PRPSAP1: variants seen among roughly 807,000 people sequenced by gnomAD.
The protein encoded by PRPSAP1 is phosphoribosyl pyrophosphate synthase-associated protein 1.
PRPSAP1 carries 31 observed loss-of-function variants against 39.4 expected under a neutral mutation model. The observed-to-expected ratio is 0.79, with a 90% CI of 0.59 to 1.06. PRPSAP1 has a LOEUF of 1.06. Ranked by LOEUF, PRPSAP1 falls within the 50% of genes least tolerant of loss-of-function variation. The pLI is 0.00. For synonymous variants in PRPSAP1, 212 were observed against 192.6 expected (o/e 1.10, Z -0.83); for missense variants, 430 against 511.6 (o/e 0.84, Z 1.54).
intron 7 of PRPSAP1, among the ~76,000 whole-genome samples, chr17:76,326,342 C>T (rs1333185505): frequency 2.6e-5 from 4 of 151,632 alleles, no homozygotes; most frequent in Non-Finnish European, 5.9e-5. Context: ...TGATGAGAAG[C>T]AGAATATTTA....
At chr17:76,333,560 T>G (rs1026083955) in intron 3 of PRPSAP1, among the ~76,000 whole-genome samples, 1 of 151,554 alleles carries the variant, frequency 6.6e-6, no homozygotes, top group Non-Finnish European at 1.5e-5. Context: ...CAGGAGAATC[T>G]CTTGAACCTG....
chr17:76,340,027 A>G (rs1392013990), intron 3 of PRPSAP1, among the ~76,000 whole-genome samples: 1 of 149,992 alleles, frequency 6.7e-6, no homozygotes, highest in African/African-American at 2.5e-5. Flanking sequence ...GCTACTTGGG[A>G]GGGTAAGACG....
intron 1 of PRPSAP1, among the ~76,000 whole-genome samples, chr17:76,351,686 T>TAAATAA (rs929179095): frequency 4.2e-4 from 64 of 152,036 alleles, no homozygotes; most frequent in African/African-American, 1.5e-3. Flanking sequence ...TGTCTCAAAA[T>TAAATAA]AAATAAAACA....
At chr17:76,329,921 G>A (rs2071302818) in intron 6 of PRPSAP1, 122 bp downstream of exon 6, 2 of 826,262 alleles carry the variant, frequency 2.4e-6, no homozygotes. Flanking sequence ...ACGATGGAGG[G>A]GTTAACATGA....
intron 1 of PRPSAP1, among the ~76,000 whole-genome samples, chr17:76,349,776 A>C (rs1001682892): frequency 6.6e-6 from 1 of 151,808 alleles, no homozygotes; most frequent in Non-Finnish European, 1.5e-5. Context: ...AATAATAATA[A>C]AAAAAATAAA....
chr17:76,332,343 A>G lies in PRPSAP1; in HGVS notation c.383T>C (p.Phe128Ser), dbSNP rs763265538. Residue 128 changes from phenylalanine to serine, a missense_variant, in exon 4 of 10, where the codon TTC (phenylalanine) becomes TCC (serine). This residue lies in a region of PRPSAP1 where 278 missense variants were observed against 376.3 expected (regional missense o/e 0.74). Coordinates refer to ENST00000446526, the MANE Select transcript of PRPSAP1 (RefSeq NM_002766.3). ...ARNIIGVIPY[F>S]PYSKQSKMRK... ...CATCTTGCTCTGCTTGCTGTAGGGG[A>G]AGTAGGGGATGACCCCAATAATGTT... The G allele has an allele frequency of 6.2e-7, 1 of 1,614,172 alleles. No individual in the cohort carries two copies. The highest frequency in any genetic ancestry group is 1.1e-5 in the South Asian group (1 of 91,084).
At position 76,349,972 on chromosome 17, in the gene PRPSAP1, G is replaced by A. The variant is rs144393335; in HGVS notation, c.171-1391C>T. Reference sequence around the variant, plus strand: ...GTGGTGGTGGGCACCTGTAATCCCAGTTACTTGGGAGCTGAGGCACGAGAA... The same window carrying A: ...GTGGTGGTGGGCACCTGTAATCCCAATTACTTGGGAGCTGAGGCACGAGAA... On this transcript the variant is annotated intron_variant, in intron 1 of 9. Coordinates refer to ENST00000446526, the MANE Select transcript of PRPSAP1 (RefSeq NM_002766.3). Among the ~76,000 whole-genome samples, 699 of 151,594 alleles carry A rather than the reference G, an allele frequency of 4.6e-3. 5 individuals carry two copies. The highest frequency in any genetic ancestry group is 5.7e-3 in the Non-Finnish European group (390 of 67,916).
At chr17:76,351,579 T>A (rs2071573240) in intron 1 of PRPSAP1, among the ~76,000 whole-genome samples, 1 of 151,692 alleles carries the variant, frequency 6.6e-6, no homozygotes, top group Non-Finnish European at 1.5e-5. Context: ...CCCAGCTACT[T>A]TCGAGGCTGA....
intron 3 of PRPSAP1, among the ~76,000 whole-genome samples, chr17:76,333,936 T>G (rs781075416): frequency 7.2e-5 from 11 of 152,182 alleles, no homozygotes; most frequent in Non-Finnish European, 1.6e-4. Flanking sequence ...TCACCCAGGC[T>G]AGAGTGCAGT....
chr17:76,319,797 T>C lies in PRPSAP1; in HGVS notation c.782-5906A>G, dbSNP rs535070972. Among the ~76,000 whole-genome samples the C allele has an allele frequency of 2.6e-5, 4 of 152,064 alleles. No individual in the cohort carries two copies. The East Asian group carries it at 7.7e-4, about 29-fold the overall frequency. On this transcript the variant is annotated intron_variant, in intron 7 of 9. Transcript: ENST00000446526. ...AATAAATACCATTCTCCACTAAAGGTATAAGGGCTCCTTGGAGAAATGGCC... is the reference window on the plus strand; with the variant it reads ...AATAAATACCATTCTCCACTAAAGGCATAAGGGCTCCTTGGAGAAATGGCC...
At position 76,313,873 on chromosome 17, in the gene PRPSAP1, T is replaced by C. The variant is rs747273896; in HGVS notation, c.800A>G (p.Lys267Arg). ...ATCTCCAACTACAGTTATCGGTGGC[T>C]TCTCTTTGGCCATCATCACTAGCAA... ...LELPLMMAKE[K>R]PPITVVGDVG... Residue 267 changes from lysine (K) to arginine (R), a missense_variant, in exon 8 of 10, where the codon AAG becomes AGG. Lys to Arg is a conservative substitution (Grantham distance 26). Coordinates refer to ENST00000446526, the MANE Select transcript of PRPSAP1 (RefSeq NM_002766.3). The C allele has an allele frequency of 6.2e-7, 1 of 1,614,202 alleles. No individual in the cohort carries two copies. The highest frequency in any genetic ancestry group is 2.2e-5 in the East Asian group (1 of 44,894).
intron 7 of PRPSAP1, among the ~76,000 whole-genome samples, chr17:76,327,350 C>T (rs1345544856): frequency 1.6e-5 from 2 of 123,538 alleles, no homozygotes; most frequent in African/African-American, 6.2e-5. Context: ...CAGTCTCAAA[C>T]AAAATAAAAA....
intron 3 of PRPSAP1, chr17:76,337,549 G>GA (rs2071393200): frequency 6.6e-6 from 1 of 152,288 alleles, no homozygotes; most frequent in African/African-American, 2.4e-5. Flanking sequence ...TAATGGGGGA[G>GA]AATTTACCCT....
At position 76,353,899 on chromosome 17, in the gene PRPSAP1, C is replaced by G. The variant is rs78121266; in HGVS notation, c.-196G>C. The G allele has an allele frequency of 7.5e-7, 1 of 1,328,702 alleles. No individual in the cohort carries two copies. The highest frequency in any genetic ancestry group is 3.1e-5 in the East Asian group (1 of 31,774). The allele number at this position is 1,328,702 out of a possible 1,614,324, so 82.3% of individuals were successfully genotyped here. ...GAGCCTTCGCAGCGCCCGGCGCCGC[C>G]GCCTCAGAGCCAGAGGCAAGGCCAC... On this transcript the variant is annotated 5_prime_UTR_variant, in exon 1 of 10. Transcript: ENST00000446526.
chr17:76,351,443 G>A (rs566409718), intron 1 of PRPSAP1, among the ~76,000 whole-genome samples: 1 of 152,098 alleles, frequency 6.6e-6, no homozygotes, highest in East Asian at 1.9e-4. Flanking sequence ...TGAACCCTGG[G>A]GGCGTAGCCT....
At chr17:76,332,153 GAAAC>G (rs2071328459) in intron 4 of PRPSAP1, 106 bp downstream of exon 4, 4 of 1,352,948 alleles carry the variant, frequency 3.0e-6, no homozygotes, top group Middle Eastern at 5.4e-4. Flanking sequence ...TGTTCAAAAG[GAAAC>G]AAACACTCAG....
chr17:76,342,445 G>A (rs2143533014), intron 3 of PRPSAP1, among the ~76,000 whole-genome samples: 1 of 152,290 alleles, frequency 6.6e-6, no homozygotes. Flanking sequence ...CGGGTGTGGT[G>A]GTTCATGTCT....
intron 3 of PRPSAP1, among the ~76,000 whole-genome samples, chr17:76,342,076 C>T (rs2071445424): frequency 6.6e-6 from 1 of 152,132 alleles, no homozygotes; most frequent in Non-Finnish European, 1.5e-5. Flanking sequence ...CAGCCCCTTC[C>T]CTCAATACCA....
In PRPSAP1 at chr17:76,353,819, G is replaced by T; in HGVS notation, c.-116C>A. On this transcript the variant is annotated 5_prime_UTR_variant, in exon 1 of 10. Transcript: ENST00000446526. ...GCGCTGAGAAACTCGGCGCAAGCGG[G>T]GAGAGCTCCGAGGTCCGTGCCCTTG... 1 of 1,386,242 alleles carries T rather than the reference G, an allele frequency of 7.2e-7. No individual in the cohort carries two copies. The allele number at this position is 1,386,242 out of a possible 1,614,324, so 85.9% of individuals were successfully genotyped here. A position where few individuals can be genotyped will look rare whatever the true frequency, so the allele number is the denominator to read the frequency against.
Sources: allele counts gnomAD v4.1 joint callset (sites outside exome capture counted in the v4.1 genomes callset), GRCh38; gene constraint gnomAD v4.1.1; regional missense constraint gnomAD v4.1.1; transcripts MANE v1.5; gene names NCBI Gene and HGNC (gene_info 2026-07-23, HGNC 2026-07-21).